The following CAMSAP2 variants were observed in gnomAD, a reference collection of about 807,000 sequenced individuals.
CAMSAP2 encodes calmodulin regulated spectrin associated protein family member 2.
CAMSAP2 carries 26 observed loss-of-function variants against 146.1 expected under a neutral mutation model. The ratio of observed to expected loss-of-function variants is 0.18; its 90% CI spans 0.13 to 0.25. The LOEUF (loss-of-function observed/expected upper bound fraction) is 0.25. CAMSAP2 is among the 10% of genes least tolerant of loss of function. CAMSAP2 has a pLI of 1.00. For missense variants in CAMSAP2, 1,381 were observed against 1,759.3 expected (o/e 0.78, Z 3.85); for synonymous variants, 499 against 596.6 (o/e 0.84, Z 2.38).
At chr1:200,763,070 T>G (rs1464945787) in intron 2 of CAMSAP2, among the ~76,000 whole-genome samples, 1 of 152,168 alleles carries the variant, frequency 6.6e-6, no homozygotes, top group African/African-American at 2.4e-5. Context: ...CAGCTAATTT[T>G]TGTACTTTTA....
rs181740151 is a variant in CAMSAP2 at position 200,756,791 on chromosome 1, T to C, written c.140-4048T>C. Among the ~76,000 whole-genome samples the C allele has an allele frequency of 4.5e-4, 69 of 152,332 alleles. 1 individual carries two copies. The highest frequency in any genetic ancestry group is 3.9e-4 in the Admixed American group (6 of 15,304). ...AAAGGCTAGTGACTAGAATTTTTTT[T>C]AATAACATTTTTATTTATTCATCAA... On this transcript the variant is annotated intron_variant, in intron 1 of 16. Coordinates refer to ENST00000358823, the MANE Select transcript of CAMSAP2 (RefSeq NM_203459.4).
chr1:200,820,947 A>G (rs1192639935), intron 4 of CAMSAP2, among the ~76,000 whole-genome samples: 2 of 152,144 alleles, frequency 1.3e-5, no homozygotes, highest in East Asian at 1.9e-4. Flanking sequence ...TAAGTTGTCT[A>G]TTTAATATGT....
rs1247933421 is a variant in CAMSAP2, at chr1:200,750,164, A to G, written c.139+10198A>G. 2.6e-5 allele frequency among the ~76,000 whole-genome samples: 4 copies of G among 152,168 alleles called. No homozygotes were observed. In the East Asian group the frequency reaches 7.7e-4, roughly 29 times the overall value. ...GGAAGACAAAATTTGGAGTAAATAT[A>G]GTAATTAAGATAAAAAGTGCTGGTT... On this transcript the variant is annotated intron_variant, in intron 1 of 16. Transcript: ENST00000358823.
rs1185375793 is a variant in CAMSAP2 at position 200,739,798 on chromosome 1, C to T, written c.-30C>T. ...AGGCCACGCCATGTGAAGGTTAGGG[C>T]CGGGACATCCCGAGGAGCCGCGGTG... is the stretch of plus-strand genomic sequence containing the variant. On this transcript the variant is annotated 5_prime_UTR_variant, in exon 1 of 17. Coordinates refer to ENST00000358823, the MANE Select transcript of CAMSAP2 (RefSeq NM_203459.4). The surrounding 1 kb of genome is among the most constrained non-coding windows in gnomAD (Gnocchi z 4.8). 2.5e-6 allele frequency: 4 copies of T among 1,581,248 alleles called. No individual in the cohort carries two copies. In the East Asian group the frequency reaches 9.4e-5, roughly 37 times the overall value.
intron 2 of CAMSAP2, among the ~76,000 whole-genome samples, chr1:200,804,080 C>T (rs767980393): frequency 9.2e-5 from 14 of 152,058 alleles, no homozygotes; most frequent in Admixed American, 8.5e-4. Context: ...GTGTCCGCCA[C>T]CACGCCTGGC....
At position 200,832,696 on chromosome 1, in the gene CAMSAP2, T is replaced by C; in HGVS notation, c.788-10T>C. 6.3e-7 allele frequency: 1 copy of C among 1,588,260 alleles called. No homozygotes were observed. The highest frequency in any genetic ancestry group is 8.6e-7 in the Non-Finnish European group (1 of 1,169,542). On this transcript the variant is annotated splice_polypyrimidine_tract_variant and intron_variant, in intron 5 of 16. Coordinates refer to ENST00000358823, the MANE Select transcript of CAMSAP2 (RefSeq NM_203459.4). The surrounding 1 kb of genome is among the most constrained non-coding windows in gnomAD (Gnocchi z 4.2). ...CCAAAGTCACCACCTTGCTCTTTTC[T>C]TATTTGAAGATATTTGTTTGAAAGA...
chr1:200,812,101 T>A (rs1322997681), intron 3 of CAMSAP2, among the ~76,000 whole-genome samples: 8 of 152,190 alleles, frequency 5.3e-5, no homozygotes, highest in Admixed American at 5.2e-4. Context: ...TTCATAGCAC[T>A]TTTCAGACTA....
At chr1:200,824,705 A>C (rs913967135) in intron 4 of CAMSAP2, among the ~76,000 whole-genome samples, 6 of 152,196 alleles carry the variant, frequency 3.9e-5, no homozygotes, top group African/African-American at 1.4e-4. Flanking sequence ...CTGGCCGGGC[A>C]TGGTGGCTCA....
intron 1 of CAMSAP2, among the ~76,000 whole-genome samples, chr1:200,751,535 CAAAAAA>C (rs35294926): frequency 1.9e-4 from 8 of 41,596 alleles, no homozygotes; most frequent in African/African-American, 6.8e-4. Flanking sequence ...GACTCCATCT[CAAAAAA>C]AAAAAAAAAA....
At chr1:200,763,137 T>G (rs917942914) in intron 2 of CAMSAP2, among the ~76,000 whole-genome samples, 2 of 152,158 alleles carry the variant, frequency 1.3e-5, no homozygotes, top group African/African-American at 2.4e-5. Flanking sequence ...AGACTTCAAG[T>G]GATCCTCCCA....
rs1289326178 is a variant in CAMSAP2, at chr1:200,817,201, TATACACAC to T, written c.645+1569_645+1576del. ...ATACACACACACACATGTGTGTGTG[TATACACAC>T]ATACACACATATGTGTGTGTATATA... is the stretch of plus-strand genomic sequence containing the variant. On this transcript the variant is annotated intron_variant, in intron 4 of 16. Transcript: ENST00000358823. 3.8e-3 allele frequency among the ~76,000 whole-genome samples: 327 copies of T among 86,232 alleles called. 6 individuals are homozygous for T. The highest frequency in any genetic ancestry group is 0.014 in the African/African-American group (276 of 20,364). The allele number at this position is 86,232 out of a possible 152,430, so 56.6% of individuals were successfully genotyped here. A position where few individuals can be genotyped will look rare whatever the true frequency, so the allele number is the denominator to read the frequency against.
At chr1:200,842,241 T>C (rs1231648325) in intron 7 of CAMSAP2, among the ~76,000 whole-genome samples, 154 bp downstream of exon 7, 1 of 152,190 alleles carries the variant, frequency 6.6e-6, no homozygotes, top group Non-Finnish European at 1.5e-5. Context: ...CCTCTTAAAA[T>C]GGTTAGAGGA....
intron 2 of CAMSAP2, among the ~76,000 whole-genome samples, chr1:200,793,217 T>C (rs1182616081): frequency 6.6e-6 from 1 of 152,166 alleles, no homozygotes; most frequent in Non-Finnish European, 1.5e-5. Flanking sequence ...TAGTAAGCAA[T>C]GATAATATTG....
intron 4 of CAMSAP2, among the ~76,000 whole-genome samples, chr1:200,825,346 T>A (rs1190799945): frequency 1.3e-5 from 2 of 152,164 alleles, no homozygotes; most frequent in African/African-American, 4.8e-5. Context: ...CTCCCAGCCC[T>A]TCTAAATGGA....
In CAMSAP2 at chr1:200,858,291, A is replaced by T. The variant is rs1030202400; in HGVS notation, c.*232A>T. 3.1e-5 allele frequency: 13 copies of T among 418,848 alleles called. No homozygotes were observed. The Admixed American group carries it at 5.0e-4, about 16-fold the overall frequency. 25.9% of individuals were successfully genotyped at this position (418,848 alleles called of 1,614,324 possible). The stretch of plus-strand genomic sequence containing the variant: ...GAAATGTTTTAATTCACAAATGGAG[A>T]TTTGTATGTGTTATCAGGTTCACCT... On this transcript the variant is annotated 3_prime_UTR_variant, in exon 17 of 17. Transcript: ENST00000358823.
At chr1:200,742,291 A>G (rs1177681112) in intron 1 of CAMSAP2, among the ~76,000 whole-genome samples, 2 of 152,358 alleles carry the variant, frequency 1.3e-5, no homozygotes, top group East Asian at 1.9e-4. Context: ...AAATTGTACA[A>G]ATCTTAATTC....
intron 1 of CAMSAP2, among the ~76,000 whole-genome samples, chr1:200,759,097 C>T (rs1026410834): frequency 6.6e-6 from 1 of 152,088 alleles, no homozygotes; most frequent in African/African-American, 2.4e-5. Context: ...GTCCTCATCA[C>T]GAACCTCTCC....
Position 200,848,173 on chromosome 1 carries a change from T to C in CAMSAP2, c.1404T>C (p.Ile468=). Residue 468 remains isoleucine (I), a synonymous_variant, in exon 11 of 17, where the codon ATT becomes ATC. Coordinates refer to ENST00000358823, the MANE Select transcript of CAMSAP2 (RefSeq NM_203459.4). ...ACAACAGTCATGTATCTAAACACAT[T>C]AGGAAAAATTTGTCCTTCAAGCCAA... The part of the protein sequence containing the change: ...TLNNSHVSKH[I]RKNLSFKPIN... 1 of 1,613,820 alleles carries C rather than the reference T, an allele frequency of 6.2e-7. No individual in the cohort carries two copies.
At chr1:200,790,940 G>C (rs1316268979) in intron 2 of CAMSAP2, among the ~76,000 whole-genome samples, 1 of 152,034 alleles carries the variant, frequency 6.6e-6, no homozygotes, top group Admixed American at 6.5e-5. Flanking sequence ...CGCCTCTCAG[G>C]TTCAAGTGAT....
Sources: allele counts gnomAD v4.1 joint callset (sites outside exome capture counted in the v4.1 genomes callset), GRCh38; gene constraint gnomAD v4.1.1; non-coding constraint Gnocchi (gnomAD v3.1); transcripts MANE v1.5; gene names NCBI Gene and HGNC (gene_info 2026-07-23, HGNC 2026-07-21).